Variants in MALRD1 observed in about 807,000 individuals in gnomAD.
MALRD1 encodes MAM and LDL receptor class A domain containing 1, also known as MAM and LDL-receptor class A domain-containing protein 1.
Under a neutral mutation model 242.1 loss-of-function variants are expected in MALRD1, and 247 were observed. The ratio of observed to expected loss-of-function variants is 1.02; its 90% CI spans 0.92 to 1.13. MALRD1 has a LOEUF of 1.13. Ranked by LOEUF, MALRD1 falls within the 50% of genes most tolerant of loss-of-function variation. The pLI, the probability that MALRD1 is intolerant of heterozygous loss-of-function variation, is 0.00. For synonymous variants in MALRD1, 995 were observed against 866.6 expected (o/e 1.15, Z -2.60); for missense variants, 2,989 against 2,533.1 (o/e 1.18, Z -3.86).
intron 24 of MALRD1, among the ~76,000 whole-genome samples, chr10:19,345,592 C>T (rs1002669903): frequency 7.2e-5 from 11 of 152,022 alleles, no homozygotes; most frequent in African/African-American, 1.9e-4. Context: ...TTTCAAATGA[C>T]ATTTGAAAAC....
Position 19,066,722 on chromosome 10 carries a change from T to A in MALRD1, c.203T>A (p.Leu68Ter). ...AACTTTTCTTCTTTCTCATTAGGTT[T>A]GAATTATGAAAGATGTGATTTTGAG... ...CGDSSDERHC[L>*]NYERCDFEDG... The change falls in exon 2 of 40, where the codon TTG (leucine) becomes TAG (stop). Residue 68 changes from leucine to a stop codon, truncating the protein, a stop_gained. Transcript: ENST00000454679. LOFTEE classifies it high-confidence loss of function. 4.1e-6 allele frequency: 5 copies of A among 1,233,714 alleles called. No individual in the cohort carries two copies. Among genetic ancestry groups the A allele is most frequent in the Non-Finnish European group, 5.1e-6 (5 of 987,988 alleles). 76.4% of individuals were successfully genotyped at this position (1,233,714 alleles called of 1,614,324 possible). A position where few individuals can be genotyped will look rare whatever the true frequency, so the allele number is the denominator to read the frequency against.
chr10:19,107,944 G>A (rs796886801), intron 5 of MALRD1, among the ~76,000 whole-genome samples: 79 of 151,996 alleles, frequency 5.2e-4, no homozygotes, highest in African/African-American at 1.8e-3. Flanking sequence ...TTGACTTTTG[G>A]TAATATGATT....
intron 20 of MALRD1, 116 bp from the exon 21 acceptor site, chr10:19,282,903 A>G: frequency 1.4e-6 from 1 of 700,226 alleles, no homozygotes; most frequent in East Asian, 3.3e-5. Context: ...TTATTTTAAT[A>G]ATGTTTAAAA....
intron 33 of MALRD1, among the ~76,000 whole-genome samples, chr10:19,574,846 G>A (rs1468398950): frequency 6.6e-6 from 1 of 152,156 alleles, no homozygotes; most frequent in African/African-American, 2.4e-5. Flanking sequence ...GGGAGTTAAA[G>A]GAGATCTGAG....
At chr10:19,211,424 G>A (rs780809131) in intron 18 of MALRD1, among the ~76,000 whole-genome samples, 8 of 151,942 alleles carry the variant, frequency 5.3e-5, no homozygotes, top group Non-Finnish European at 8.8e-5. Context: ...GGCCTGAAAG[G>A]GGGCTCACAC....
chr10:19,124,228 A>G (rs1482831342), intron 6 of MALRD1, among the ~76,000 whole-genome samples: 1 of 152,086 alleles, frequency 6.6e-6, no homozygotes, highest in Non-Finnish European at 1.5e-5. Flanking sequence ...AAAAAAATTA[A>G]AACATATTGT....
At chr10:19,254,277 C>G (rs1839415047) in intron 18 of MALRD1, among the ~76,000 whole-genome samples, 1 of 151,898 alleles carries the variant, frequency 6.6e-6, no homozygotes, top group South Asian at 2.1e-4. Flanking sequence ...GCTGTTGTTG[C>G]CTACATCATT....
rs528052107 is a variant in MALRD1 at position 19,087,750 on chromosome 10, T to C, written c.341-90T>C. The C allele has an allele frequency of 3.9e-4, 204 of 516,816 alleles. 1 individual carries two copies. The East Asian group carries it at 4.1e-3, about 10-fold the overall frequency. 32.0% of individuals were successfully genotyped at this position (516,816 alleles called of 1,614,324 possible). A position where few individuals can be genotyped will look rare whatever the true frequency, so the allele number is the denominator to read the frequency against. On this transcript the variant is annotated intron_variant, in intron 2 of 39. Transcript: ENST00000454679. Reference sequence around the variant, plus strand: ...TTTGAATGTACAGTGAAATTATTATTGACTATAGTCATCCCATTTTGCTAT... The same window carrying C: ...TTTGAATGTACAGTGAAATTATTATCGACTATAGTCATCCCATTTTGCTAT...
chr10:19,425,865 G>A (rs1320948140), intron 28 of MALRD1, among the ~76,000 whole-genome samples: 1 of 152,042 alleles, frequency 6.6e-6, no homozygotes, highest in Non-Finnish European at 1.5e-5. Flanking sequence ...CGAACCACAG[G>A]CTACCAGCTC....
chr10:19,217,271 C>T (rs1317701806), intron 18 of MALRD1, among the ~76,000 whole-genome samples: 1 of 152,120 alleles, frequency 6.6e-6, no homozygotes, highest in Non-Finnish European at 1.5e-5. Flanking sequence ...TGCCTCTCAT[C>T]CCTACATTTA....
At chr10:19,109,910 G>A (rs866016174) in intron 5 of MALRD1, among the ~76,000 whole-genome samples, 1 of 152,188 alleles carries the variant, frequency 6.6e-6, no homozygotes, top group Non-Finnish European at 1.5e-5. Context: ...ATCAAAAACT[G>A]TGGCAACTGA....
chr10:19,664,131 G>GT lies in MALRD1; in HGVS notation c.6138-28141dup, dbSNP rs897328402. ...AGGTGACTTTCATATTTTTTCCAGG[G>GT]TTTTTTTTTTCTTGTGATCAGCTGC... On this transcript the variant is annotated intron_variant, in intron 36 of 39. Coordinates refer to ENST00000454679, the MANE Select transcript of MALRD1 (RefSeq NM_001142308.3). Among the ~76,000 whole-genome samples the GT allele has an allele frequency of 3.1e-4, 46 of 147,840 alleles. No homozygotes were observed. The South Asian group carries it at 3.9e-3, about 12-fold the overall frequency.
intron 35 of MALRD1, among the ~76,000 whole-genome samples, chr10:19,611,807 G>A (rs1368258479): frequency 2.6e-5 from 4 of 151,996 alleles, no homozygotes; most frequent in African/African-American, 9.7e-5. Context: ...AAGAACCTGG[G>A]TCTAAAGTAG....
At chr10:19,163,137 T>TAAAAAAAAAAAAAAAAAAAAA (rs58034381) in intron 12 of MALRD1, among the ~76,000 whole-genome samples, 3 of 43,854 alleles carry the variant, frequency 6.8e-5, no homozygotes, top group Admixed American at 3.5e-4. Flanking sequence ...AAACCCTGTC[T>TAAAAAAAAAAAAAAAAAAAAA]AAAAAAAAAA....
At chr10:19,196,580 A>G (rs536049921) in intron 14 of MALRD1, among the ~76,000 whole-genome samples, 2 of 142,026 alleles carry the variant, frequency 1.4e-5, no homozygotes, top group South Asian at 2.2e-4. Context: ...TCTTTTTGTC[A>G]CTTAGATAAT....
At chr10:19,625,726 T>C (rs957722254) in intron 36 of MALRD1, among the ~76,000 whole-genome samples, 1 of 152,160 alleles carries the variant, frequency 6.6e-6, no homozygotes, top group African/African-American at 2.4e-5. Flanking sequence ...AAATATATCA[T>C]TAATAGTTGT....
chr10:19,063,132 C>A (rs917411382), intron 1 of MALRD1, among the ~76,000 whole-genome samples: 5 of 151,720 alleles, frequency 3.3e-5, no homozygotes, highest in Admixed American at 6.6e-5. Flanking sequence ...GGTGACAGAG[C>A]AAGACCCTGT....
At chr10:19,218,716 A>G (rs1837431889) in intron 18 of MALRD1, among the ~76,000 whole-genome samples, 1 of 152,142 alleles carries the variant, frequency 6.6e-6, no homozygotes, top group Non-Finnish European at 1.5e-5. Context: ...TTTAAGAAAA[A>G]AGAATAGACT....
chr10:19,678,149 T>C (rs1294869168), intron 36 of MALRD1, among the ~76,000 whole-genome samples: 1 of 152,148 alleles, frequency 6.6e-6, no homozygotes, highest in Non-Finnish European at 1.5e-5. Context: ...CTTGGGTATA[T>C]TGGCTCTTTT....
Sources: allele counts gnomAD v4.1 joint callset (sites outside exome capture counted in the v4.1 genomes callset), GRCh38; gene constraint gnomAD v4.1.1; transcripts MANE v1.5; gene names NCBI Gene and HGNC (gene_info 2026-07-23, HGNC 2026-07-21).